Variants in ASAH2 observed in about 807,000 individuals in gnomAD.
ASAH2 encodes the protein neutral ceramidase.
ASAH2 carries 58 observed loss-of-function variants against 82.9 expected under a neutral mutation model. The observed-to-expected ratio is 0.70, with a 90% CI of 0.57 to 0.87. The LOEUF (loss-of-function observed/expected upper bound fraction) is 0.87, where lower values mean the gene tolerates loss of function less well. ASAH2 is among the 40% of genes least tolerant of loss of function. ASAH2 has a pLI of 0.00. For synonymous variants in ASAH2, 276 were observed against 289.7 expected, an observed-to-expected ratio of 0.95 and a Z score of 0.48; for missense variants, 779 against 834.0, an observed-to-expected ratio of 0.93 and a Z score of 0.81.
At chr10:50,243,104 T>G in intron 4 of ASAH2, 98 bp downstream of exon 4, 2 of 1,406,124 alleles carry the variant, frequency 1.4e-6, no homozygotes, top group Non-Finnish European at 9.9e-7. Context: ...AGAATTTCAC[T>G]GAATGAGAAA....
At chr10:50,206,537 T>TACACAC (rs544968746) in intron 12 of ASAH2, among the ~76,000 whole-genome samples, 39,607 of 130,458 alleles carry the variant, frequency 0.3, 6,307 homozygotes, top group Non-Finnish European at 0.36. Context: ...TTTAGTTATC[T>TACACAC]ACACACACAC....
chr10:50,222,608 A>G (rs1159821339), intron 7 of ASAH2, among the ~76,000 whole-genome samples: 1 of 152,158 alleles, frequency 6.6e-6, no homozygotes, highest in Non-Finnish European at 1.5e-5. Flanking sequence ...ATTTATTTTA[A>G]GCCTCAGAAA....
rs908208146 is a variant in ASAH2 at position 50,235,874 on chromosome 10, G to A, written c.687+14C>T. 79 of 1,612,528 alleles carry A rather than the reference G, an allele frequency of 4.9e-5. No homozygotes were observed. The highest frequency in any genetic ancestry group is 6.2e-5 in the Non-Finnish European group (73 of 1,178,908). Reference sequence around the variant, plus strand: ...AATGGTAAAGAACAGCTGCCTCTGGGGCTCTTTGCCTACCTTCAAGATACC... The same window carrying A: ...AATGGTAAAGAACAGCTGCCTCTGGAGCTCTTTGCCTACCTTCAAGATACC... On this transcript the variant is annotated intron_variant, in intron 5 of 20. Transcript: ENST00000682911.
intron 1 of ASAH2, among the ~76,000 whole-genome samples, chr10:50,249,236 G>C (rs10825493): frequency 0.34 from 51,175 of 152,020 alleles, 10,556 homozygotes; most frequent in Non-Finnish European, 0.45. Flanking sequence ...CCTCTGGTCT[G>C]AAGGCAGGCA....
At chr10:50,200,656 C>A (rs1273735817) in intron 16 of ASAH2, among the ~76,000 whole-genome samples, 7 of 152,136 alleles carry the variant, frequency 4.6e-5, no homozygotes, top group African/African-American at 1.7e-4. Context: ...TCCTACTAGA[C>A]CCCCAGCTTC....
At chr10:50,213,113 G>C in intron 9 of ASAH2, 55 bp from the exon 10 acceptor site, 1 of 1,430,632 alleles carries the variant, frequency 7.0e-7, no homozygotes, top group Middle Eastern at 1.8e-4. Flanking sequence ...TTATTTTAAG[G>C]AATAAAGAAT....
intron 7 of ASAH2, among the ~76,000 whole-genome samples, chr10:50,221,685 T>C (rs539223294): frequency 8.8e-5 from 11 of 125,256 alleles, no homozygotes. Context: ...GATAGATAGA[T>C]AGATAGATGG....
chr10:50,213,125 A>G, intron 9 of ASAH2, 67 bp from the exon 10 acceptor site: 1 of 1,342,208 alleles, frequency 7.5e-7, no homozygotes, highest in Non-Finnish European at 1.1e-6. Context: ...ATAAAGAATT[A>G]TAACTGAATC....
intron 12 of ASAH2, 31 bp from the exon 13 acceptor site, chr10:50,206,128 C>T (rs1845289239): frequency 2.1e-6 from 3 of 1,447,514 alleles, no homozygotes; most frequent in Admixed American, 3.4e-5. Context: ...AGTATACTTC[C>T]TTGAACCAAC....
intron 4 of ASAH2, among the ~76,000 whole-genome samples, chr10:50,241,879 C>T (rs1846304550): frequency 6.6e-6 from 1 of 151,910 alleles, no homozygotes; most frequent in South Asian, 2.1e-4. Context: ...CACACTGGGG[C>T]CTGTCGGTGG....
intron 18 of ASAH2, among the ~76,000 whole-genome samples, chr10:50,196,227 G>A (rs1247183663): frequency 7.9e-5 from 12 of 151,882 alleles, no homozygotes; most frequent in African/African-American, 2.9e-4. Flanking sequence ...TTCTATTGAA[G>A]GTTCTAGCCA....
chr10:50,204,968 A>G lies in ASAH2; in HGVS notation c.1531-13T>C. On this transcript the variant is annotated splice_polypyrimidine_tract_variant and intron_variant, in intron 13 of 20. Coordinates refer to ENST00000682911, the MANE Select transcript of ASAH2 (RefSeq NM_019893.4). ...GAGGTTTTGATAGCTGAGAACCCAA[A>G]ACAAGAAAATTATGTTAGGGATAAC... is the stretch of plus-strand genomic sequence containing the variant. 6.3e-7 allele frequency: 1 copy of G among 1,580,504 alleles called. No individual in the cohort carries two copies. Among genetic ancestry groups the G allele is most frequent in the Middle Eastern group, 1.7e-4 (1 of 5,912 alleles).
chr10:50,199,261 A>G, intron 16 of ASAH2, 115 bp from the exon 17 acceptor site: 4 of 1,018,940 alleles, frequency 3.9e-6, no homozygotes. Context: ...CAAAACTGGC[A>G]CAATCTTCAA....
Position 50,250,914 on chromosome 10 carries a change from G to T in ASAH2, c.-37+481C>A, listed in dbSNP as rs544966708. The stretch of plus-strand genomic sequence containing the variant: ...GTTTCATCATTCTGTTTAGCTGCCA[G>T]AATTGTTGCCAACACAGTAACATTC... On this transcript the variant is annotated intron_variant, in intron 1 of 20. Transcript: ENST00000682911. 3.9e-5 allele frequency among the ~76,000 whole-genome samples: 6 copies of T among 152,322 alleles called. 1 individual carries two copies. The East Asian group carries it at 1.2e-3, about 29-fold the overall frequency.
chr10:50,234,288 A>G, intron 6 of ASAH2, 137 bp downstream of exon 6: 1 of 1,225,266 alleles, frequency 8.2e-7, no homozygotes, highest in South Asian at 1.3e-5. Flanking sequence ...TAGATTACAC[A>G]GATGTTTTTA....
In ASAH2 at chr10:50,207,916, A is replaced by G. The variant is rs1845346337; in HGVS notation, c.1415-1819T>C. Among the ~76,000 whole-genome samples the G allele has an allele frequency of 5.3e-5, 8 of 152,076 alleles. No individual in the cohort carries two copies. The South Asian group carries it at 1.7e-3, about 31-fold the overall frequency. On this transcript the variant is annotated intron_variant, in intron 12 of 20. Transcript: ENST00000682911. ...ATAGGACACAAAAACCTACAACAAA[A>G]TACTAGCAAACTGAATACAGCAACA...
At chr10:50,205,949 G>A in intron 13 of ASAH2, 33 bp downstream of exon 13, 1 of 1,474,364 alleles carries the variant, frequency 6.8e-7, no homozygotes, top group Non-Finnish European at 9.5e-7. Context: ...ATAACAATAT[G>A]CTAATTTCAC....
In ASAH2 at chr10:50,233,261, C is replaced by T; in HGVS notation, c.816G>A (p.Arg272=). The T allele has an allele frequency of 6.2e-7, 1 of 1,603,028 alleles. No individual in the cohort carries two copies. The highest frequency in any genetic ancestry group is 8.5e-7 in the Non-Finnish European group (1 of 1,170,258). ...TTTCCTTGTCTGTATTTGAAGAATA[C>T]CTAGTCAGTAAAACAGAAAAGCACA... ...YLQNPQSERA[R]YSSNTDKEMI... Residue 272 remains arginine (R), a splice_region_variant and synonymous_variant, in exon 7 of 21, where the codon AGG becomes AGA. Coordinates refer to ENST00000682911, the MANE Select transcript of ASAH2 (RefSeq NM_019893.4).
chr10:50,218,043 G>C (rs1267627941), intron 8 of ASAH2, among the ~76,000 whole-genome samples: 1 of 152,142 alleles, frequency 6.6e-6, no homozygotes, highest in Non-Finnish European at 1.5e-5. Context: ...AAGAGTTGCT[G>C]AACCTGGGAG....
Sources: allele counts gnomAD v4.1 joint callset (sites outside exome capture counted in the v4.1 genomes callset), GRCh38; gene constraint gnomAD v4.1.1; transcripts MANE v1.5; gene names NCBI Gene and HGNC (gene_info 2026-07-23, HGNC 2026-07-21).